The following SLCO1A2 variants were observed in gnomAD, a reference collection of about 807,000 sequenced individuals.
SLCO1A2 encodes solute carrier organic anion transporter family member 1A2.
A neutral mutation model predicts 69.0 loss-of-function variants in SLCO1A2; 67 were observed. The ratio of observed to expected loss-of-function variants is 0.97; its 90% CI spans 0.80 to 1.19. The LOEUF (loss-of-function observed/expected upper bound fraction) is 1.19. Ranked by LOEUF, SLCO1A2 falls within the 50% of genes most tolerant of loss-of-function variation. SLCO1A2 has a pLI of 0.00. For missense variants in SLCO1A2, 787 were observed against 793.7 expected, an observed-to-expected ratio of 0.99 and a Z score of 0.10; for synonymous variants, 260 against 265.9, an observed-to-expected ratio of 0.98 and a Z score of 0.22.
chr12:21,314,773 G>T, intron 3 of SLCO1A2, 92 bp from the exon 4 acceptor site: 1 of 905,382 alleles, frequency 1.1e-6, no homozygotes, highest in Non-Finnish European at 1.7e-6. Context: ...AGCATTTACT[G>T]CATAACAACT....
At chr12:21,401,491 A>C (rs563733124) in intron 1 of SLCO1A2, among the ~76,000 whole-genome samples, 15 of 152,018 alleles carry the variant, frequency 9.9e-5, no homozygotes, top group African/African-American at 3.6e-4. Context: ...TGGACCAAAA[A>C]ACCTCCATAA....
intron 2 of SLCO1A2, among the ~76,000 whole-genome samples, chr12:21,360,916 G>A (rs920508169): frequency 1.3e-5 from 2 of 152,128 alleles, no homozygotes; most frequent in African/African-American, 4.8e-5. Flanking sequence ...GCCCACCGCA[G>A]CTCAAGGAGG....
At chr12:21,375,361 G>C (rs929805121) in intron 1 of SLCO1A2, among the ~76,000 whole-genome samples, 14 of 152,168 alleles carry the variant, frequency 9.2e-5, no homozygotes, top group African/African-American at 2.9e-4. Context: ...GTTAAATCAT[G>C]TACTATTCTA....
intron 2 of SLCO1A2, chr12:21,373,399 A>G (rs1273239812): frequency 1.2e-6 from 2 of 1,613,614 alleles, no homozygotes; most frequent in East Asian, 2.2e-5. Context: ...TCTCTGTTGC[A>G]TTGAACCATC....
At chr12:21,414,034 G>A (rs1298645912) in intron 1 of SLCO1A2, among the ~76,000 whole-genome samples, 2 of 152,002 alleles carry the variant, frequency 1.3e-5, no homozygotes, top group Non-Finnish European at 2.9e-5. Context: ...AGATTTAGGC[G>A]AATGCTGTAC....
At chr12:21,288,326 C>T (rs889044711) in intron 12 of SLCO1A2, among the ~76,000 whole-genome samples, 4 of 151,646 alleles carry the variant, frequency 2.6e-5, no homozygotes, top group Admixed American at 6.6e-5. Context: ...CTGTAGTCCC[C>T]GCTACTCAGG....
At chr12:21,283,808 A>G (rs893886185) in intron 12 of SLCO1A2, among the ~76,000 whole-genome samples, 1 of 152,212 alleles carries the variant, frequency 6.6e-6, no homozygotes, top group African/African-American at 2.4e-5. Context: ...TTTTATGAAA[A>G]GGTGCTCAGC....
chr12:21,383,396 A>G (rs528934806), intron 1 of SLCO1A2, among the ~76,000 whole-genome samples: 9 of 152,160 alleles, frequency 5.9e-5, no homozygotes, highest in African/African-American at 2.2e-4. Flanking sequence ...ATTTTGGTCT[A>G]TATTTTCATC....
chr12:21,386,159 T>C (rs953544742), intron 1 of SLCO1A2, among the ~76,000 whole-genome samples: 4 of 152,188 alleles, frequency 2.6e-5, no homozygotes, highest in Non-Finnish European at 4.4e-5. Flanking sequence ...AGTAGGGTCA[T>C]TGGTGCAATG....
rs1250446538 is a variant in SLCO1A2 at position 21,318,980 on chromosome 12, C to T, written c.61-57G>A. Reference sequence around the variant, plus strand: ...AATTATTTTTAAATTGTATACTTGCCGTCTGTTGACAAAATGCCTTCCACC... The same window carrying T: ...AATTATTTTTAAATTGTATACTTGCTGTCTGTTGACAAAATGCCTTCCACC... On this transcript the variant is annotated intron_variant, in intron 2 of 14. Coordinates refer to ENST00000683939, the MANE Select transcript of SLCO1A2 (RefSeq NM_001386879.1). The T allele has an allele frequency of 1.5e-5, 20 of 1,335,138 alleles. No homozygotes were observed. The Admixed American group carries it at 2.4e-4, about 16-fold the overall frequency. 82.7% of individuals were successfully genotyped at this position (1,335,138 alleles called of 1,614,324 possible).
chr12:21,275,140 G>T, intron 13 of SLCO1A2: 1 of 978,430 alleles, frequency 1.0e-6, no homozygotes, highest in Non-Finnish European at 1.3e-6. Context: ...TCACACACCA[G>T]GGCCTGTTGT....
chr12:21,392,505 T>C (rs568226648), intron 1 of SLCO1A2, among the ~76,000 whole-genome samples: 56 of 152,346 alleles, frequency 3.7e-4, no homozygotes, highest in African/African-American at 1.3e-3. Context: ...CTTAAAGTCA[T>C]GCTCACTAGG....
chr12:21,390,988 C>A (rs528591746), intron 1 of SLCO1A2, among the ~76,000 whole-genome samples: 2 of 152,098 alleles, frequency 1.3e-5, no homozygotes, highest in Non-Finnish European at 2.9e-5. Context: ...TATTTTCTGT[C>A]CTCATTTCAA....
chr12:21,311,020 A>ATT (rs1565490392), intron 4 of SLCO1A2, among the ~76,000 whole-genome samples: 1 of 152,224 alleles, frequency 6.6e-6, no homozygotes, highest in Non-Finnish European at 1.5e-5. Flanking sequence ...GTTCTAAAAC[A>ATT]TTAGTTGTCA....
At chr12:21,345,649 AT>A (rs1290465309) in intron 2 of SLCO1A2, among the ~76,000 whole-genome samples, 3 of 152,050 alleles carry the variant, frequency 2.0e-5, no homozygotes, top group African/African-American at 7.2e-5. Flanking sequence ...ACAAAAATGT[AT>A]TTTTTCCATT....
At chr12:21,406,023 T>C (rs1402073961) in intron 1 of SLCO1A2, among the ~76,000 whole-genome samples, 1 of 152,228 alleles carries the variant, frequency 6.6e-6, no homozygotes, top group Admixed American at 6.5e-5. Context: ...CCTAGAGATA[T>C]TGTTATAAGC....
At chr12:21,418,571 C>A (rs1280856433), upstream of SLCO1A2, among the ~76,000 whole-genome samples, 5 of 152,026 alleles carry the variant, frequency 3.3e-5, no homozygotes, top group African/African-American at 1.2e-4. Flanking sequence ...AGAATGAGAG[C>A]CAAGTGAAAG....
In SLCO1A2 at chr12:21,314,539, G is replaced by C; in HGVS notation, c.335+10C>G. 1 of 1,612,768 alleles carries C rather than the reference G, an allele frequency of 6.2e-7. No individual in the cohort carries two copies. The highest frequency in any genetic ancestry group is 1.1e-5 in the South Asian group (1 of 90,400). On this transcript the variant is annotated intron_variant, in intron 4 of 14. Coordinates refer to ENST00000683939, the MANE Select transcript of SLCO1A2 (RefSeq NM_001386879.1). ...TTGACCACCCAAAATTATCAGACTGGAGTACTTACTGGTTCATGAGGAAAT... is the reference window on the plus strand; with the variant it reads ...TTGACCACCCAAAATTATCAGACTGCAGTACTTACTGGTTCATGAGGAAAT...
chr12:21,342,960 C>T (rs1238163529), intron 2 of SLCO1A2, among the ~76,000 whole-genome samples: 1 of 152,000 alleles, frequency 6.6e-6, no homozygotes, highest in Non-Finnish European at 1.5e-5. Flanking sequence ...TCAACATGAA[C>T]ATACGCTCAT....
Sources: gnomAD v4.1 joint callset for allele counts (sites outside exome capture counted in the v4.1 genomes callset) on GRCh38, gnomAD v4.1.1 for gene constraint, MANE v1.5 for transcripts, NCBI Gene and HGNC (gene_info 2026-07-23, HGNC 2026-07-21) for gene names.